Variants in PKIB observed in about 807,000 individuals in gnomAD.
PKIB encodes cAMP-dependent protein kinase inhibitor beta, also known as PKI-beta.
PKIB carries 2 observed loss-of-function variants against 4.5 expected under a neutral mutation model. The observed-to-expected ratio is 0.44, with a 90% CI of 0.18 to 1.39. PKIB has a LOEUF of 1.39. PKIB is among the 40% of genes most tolerant of loss of function. The pLI, the probability that PKIB is intolerant of heterozygous loss-of-function variation, is 0.27. For synonymous variants in PKIB, 38 were observed against 36.0 expected, an observed-to-expected ratio of 1.06 and a Z score of -0.20; for missense variants, 94 against 92.6, an observed-to-expected ratio of 1.02 and a Z score of -0.06.
At chr6:122,485,381 A>C (rs1260904108) in intron 2 of PKIB, among the ~76,000 whole-genome samples, 1 of 152,170 alleles carries the variant, frequency 6.6e-6, no homozygotes, top group Non-Finnish European at 1.5e-5. Flanking sequence ...TCTCACTGAA[A>C]ATAGAAGAGC....
At chr6:122,629,418 A>C (rs1245752725) in intron 1 of PKIB, among the ~76,000 whole-genome samples, 5 of 145,490 alleles carry the variant, frequency 3.4e-5, no homozygotes, top group Non-Finnish European at 6.1e-5. Flanking sequence ...ATCATTATGA[A>C]TAAATAATTG....
chr6:122,703,865 C>T (rs1403484853), intron 3 of PKIB, among the ~76,000 whole-genome samples: 8 of 145,890 alleles, frequency 5.5e-5, no homozygotes, highest in South Asian at 2.1e-4. Flanking sequence ...AAAAGCTCTA[C>T]GTAAGAACGG....
intron 1 of PKIB, among the ~76,000 whole-genome samples, chr6:122,623,096 T>C (rs957576714): frequency 2.0e-5 from 3 of 152,190 alleles, no homozygotes; most frequent in South Asian, 4.1e-4. Context: ...ATTCTTACTT[T>C]GGTCATGTGG....
At chr6:122,553,482 T>G (rs1459371005) in intron 2 of PKIB, among the ~76,000 whole-genome samples, 1 of 44,374 alleles carries the variant, frequency 2.3e-5, no homozygotes, top group East Asian at 1.0e-3. Context: ...AAATATCTTC[T>G]TTTTTTTTTT....
At chr6:122,524,009 G>A (rs1352173806) in intron 2 of PKIB, among the ~76,000 whole-genome samples, 1 of 152,084 alleles carries the variant, frequency 6.6e-6, no homozygotes, top group Non-Finnish European at 1.5e-5. Flanking sequence ...CCCTTTTAAT[G>A]TGCTGTTAAA....
At chr6:122,666,428 A>AT (rs143797809) in intron 2 of PKIB, among the ~76,000 whole-genome samples, 12,639 of 152,246 alleles carry the variant, frequency 0.083, 679 homozygotes, top group Non-Finnish European at 0.12. Context: ...CTTCAAAAAC[A>AT]TTTTTTAAAA....
chr6:122,588,691 T>C (rs978311484), intron 3 of PKIB, among the ~76,000 whole-genome samples: 1 of 152,214 alleles, frequency 6.6e-6, no homozygotes, highest in South Asian at 2.1e-4. Context: ...TTTCTGGTAT[T>C]ATTTCTTGTT....
chr6:122,581,207 TC>T (rs1773692644), intron 2 of PKIB, among the ~76,000 whole-genome samples: 1 of 152,216 alleles, frequency 6.6e-6, no homozygotes, highest in Admixed American at 6.5e-5. Flanking sequence ...TCATCATTTT[TC>T]TACATAGAGG....
At chr6:122,587,943 A>C (rs1162381801) in intron 3 of PKIB, among the ~76,000 whole-genome samples, 1 of 152,012 alleles carries the variant, frequency 6.6e-6, no homozygotes, top group Non-Finnish European at 1.5e-5. Flanking sequence ...AGATGAGTAG[A>C]TTGCAAAAAT....
In PKIB at chr6:122,603,208, T is replaced by C. The variant is rs1384880071; in HGVS notation, c.-161+17201T>C. ...CATTCATTATATTTATCTATAGTTA[T>C]TGAGTAATTTGGGATCATAATAAAT... On this transcript the variant is annotated intron_variant, in intron 3 of 6. Transcript: ENST00000392491. Among the ~76,000 whole-genome samples the C allele has an allele frequency of 3.3e-5, 5 of 152,274 alleles. No homozygotes were observed. The South Asian group carries it at 8.3e-4, about 25-fold the overall frequency.
At chr6:122,674,076 T>G (rs1450487196) in intron 2 of PKIB, among the ~76,000 whole-genome samples, 1 of 152,088 alleles carries the variant, frequency 6.6e-6, no homozygotes, top group Non-Finnish European at 1.5e-5. Flanking sequence ...GGAGTGTGAC[T>G]GCAGAGTTTT....
intron 2 of PKIB, among the ~76,000 whole-genome samples, chr6:122,506,944 G>T (rs1010388507): frequency 6.6e-6 from 1 of 151,620 alleles, no homozygotes; most frequent in Non-Finnish European, 1.5e-5. Context: ...CTCGTGATCC[G>T]CCCGCCTCGG....
chr6:122,696,735 C>T (rs983413003), intron 3 of PKIB, among the ~76,000 whole-genome samples: 1 of 152,184 alleles, frequency 6.6e-6, no homozygotes, highest in Admixed American at 6.5e-5. Flanking sequence ...ATATCTCTAC[C>T]TGAGGTAATA....
intron 2 of PKIB, among the ~76,000 whole-genome samples, chr6:122,563,892 G>C (rs1303821078): frequency 6.6e-6 from 1 of 152,166 alleles, no homozygotes; most frequent in Non-Finnish European, 1.5e-5. Flanking sequence ...AGCTGTGAGA[G>C]AAGAAGGCTT....
intron 2 of PKIB, among the ~76,000 whole-genome samples, chr6:122,652,192 A>G (rs907799042): frequency 7.9e-5 from 12 of 152,102 alleles, no homozygotes; most frequent in Non-Finnish European, 1.5e-4. Context: ...CACCAGAAAA[A>G]CAGAAATTGC....
chr6:122,648,587 C>T (rs1435108714), intron 2 of PKIB, among the ~76,000 whole-genome samples: 1 of 152,110 alleles, frequency 6.6e-6, no homozygotes, highest in Admixed American at 6.6e-5. Context: ...GAAGTAAGCT[C>T]CTTGATCAGA....
chr6:122,494,172 C>A (rs1451113738), intron 2 of PKIB, among the ~76,000 whole-genome samples: 2 of 152,054 alleles, frequency 1.3e-5, no homozygotes, highest in Non-Finnish European at 1.5e-5. Flanking sequence ...AAATTAAATC[C>A]AAACACCAAA....
chr6:122,544,983 A>G (rs918085200), intron 2 of PKIB, among the ~76,000 whole-genome samples: 1 of 152,088 alleles, frequency 6.6e-6, no homozygotes, highest in Non-Finnish European at 1.5e-5. Flanking sequence ...AAAACATCAA[A>G]AAATAACAGA....
intron 3 of PKIB, among the ~76,000 whole-genome samples, chr6:122,685,346 AAG>A (rs1778053483): frequency 6.6e-6 from 1 of 152,210 alleles, no homozygotes; most frequent in Non-Finnish European, 1.5e-5. Context: ...AATTAAAAGA[AAG>A]AGAAGAATCT....
Sources: gnomAD v4.1 joint callset for allele counts (sites outside exome capture counted in the v4.1 genomes callset) on GRCh38, gnomAD v4.1.1 for gene constraint, MANE v1.5 for transcripts, NCBI Gene and HGNC (gene_info 2026-07-23, HGNC 2026-07-21) for gene names.